The following LAMA2 variants were observed in gnomAD, a reference collection of about 807,000 sequenced individuals.
LAMA2 encodes laminin subunit alpha-2.
LAMA2 carries 269 observed loss-of-function variants against 364.8 expected under a neutral mutation model. The observed-to-expected ratio is 0.74, with a 90% CI of 0.67 to 0.82. The LOEUF (loss-of-function observed/expected upper bound fraction) is 0.82, where lower values mean the gene tolerates loss of function less well. Among genes scored for constraint, LAMA2 ranks in the 40% least tolerant of loss-of-function variants. The pLI is 0.00. For synonymous variants in LAMA2, 1,379 were observed against 1,370.6 expected (o/e 1.01, Z -0.14); for missense variants, 3,807 against 3,873.2 (o/e 0.98, Z 0.45).
At chr6:129,464,200 C>A (rs1409637857) in intron 49 of LAMA2, 90 bp from the exon 50 acceptor site, 3 of 1,128,324 alleles carry the variant, frequency 2.7e-6, no homozygotes, top group Non-Finnish European at 4.0e-6. Flanking sequence ...CCTACAACAG[C>A]CTATAGTCTC....
At chr6:128,914,552 T>A (rs987856584) in intron 1 of LAMA2, among the ~76,000 whole-genome samples, 1 of 152,206 alleles carries the variant, frequency 6.6e-6, no homozygotes, top group Non-Finnish European at 1.5e-5. Context: ...ATGTCTAATT[T>A]TAAAATAGCT....
intron 55 of LAMA2, among the ~76,000 whole-genome samples, chr6:129,482,339 G>T (rs565866264): frequency 6.6e-6 from 1 of 152,148 alleles, no homozygotes; most frequent in Non-Finnish European, 1.5e-5. Flanking sequence ...CTGTCCATTT[G>T]ATTCTGTTAA....
intron 1 of LAMA2, among the ~76,000 whole-genome samples, chr6:128,920,619 T>C (rs919765024): frequency 6.6e-6 from 1 of 151,748 alleles, no homozygotes; most frequent in Non-Finnish European, 1.5e-5. Context: ...CCTTTTAGCA[T>C]GTACCATTGT....
At chr6:129,206,279 A>G (rs1188565363) in intron 12 of LAMA2, among the ~76,000 whole-genome samples, 1 of 152,206 alleles carries the variant, frequency 6.6e-6, no homozygotes. Context: ...TGACTTAGCT[A>G]TTTAGAGTCA....
intron 22 of LAMA2, among the ~76,000 whole-genome samples, chr6:129,307,435 C>T (rs959679272): frequency 5.9e-5 from 9 of 152,280 alleles, no homozygotes; most frequent in African/African-American, 1.9e-4. Flanking sequence ...TCTTTTTGAA[C>T]ACGTATTCTA....
chr6:129,404,855 ATT>A (rs1780164238), intron 40 of LAMA2, among the ~76,000 whole-genome samples: 1 of 152,058 alleles, frequency 6.6e-6, no homozygotes. Flanking sequence ...ACTTTCTAGG[ATT>A]TAGGGGATAT....
intron 1 of LAMA2, among the ~76,000 whole-genome samples, chr6:128,990,390 T>A (rs901033217): frequency 6.6e-6 from 1 of 152,212 alleles, no homozygotes; most frequent in Non-Finnish European, 1.5e-5. Context: ...ATCTCATAAA[T>A]GTGTACCTAA....
At chr6:129,266,144 G>A (rs1787496932) in intron 15 of LAMA2, among the ~76,000 whole-genome samples, 3 of 151,890 alleles carry the variant, frequency 2.0e-5, no homozygotes, top group Non-Finnish European at 4.4e-5. Flanking sequence ...TGTTGTACTC[G>A]ACCATCCAGA....
At chr6:128,940,398 T>G (rs543207784) in intron 1 of LAMA2, among the ~76,000 whole-genome samples, 2 of 152,188 alleles carry the variant, frequency 1.3e-5, no homozygotes, top group Non-Finnish European at 2.9e-5. Context: ...TTCTTTATTA[T>G]AAGCTTTAAG....
chr6:129,219,280 C>A (rs1783632345), intron 12 of LAMA2, among the ~76,000 whole-genome samples: 2 of 152,158 alleles, frequency 1.3e-5, no homozygotes, highest in Non-Finnish European at 2.9e-5. Flanking sequence ...CAATGAGATA[C>A]CATCTCACAC....
Position 129,391,781 on chromosome 6 carries a change from A to G in LAMA2, c.5234+128A>G, listed in dbSNP as rs564723594. 19 of 731,528 alleles carry G rather than the reference A, an allele frequency of 2.6e-5. No homozygotes were observed. In the East Asian group the frequency reaches 2.7e-4, roughly 10 times the overall value. 45.3% of individuals were successfully genotyped at this position (731,528 alleles called of 1,614,324 possible). On this transcript the variant is annotated intron_variant, in intron 36 of 64. Coordinates refer to ENST00000421865, the MANE Select transcript of LAMA2 (RefSeq NM_000426.4). The stretch of plus-strand genomic sequence containing the variant: ...TTTTTCCAACCTGGAGATATTTGCT[A>G]TGTTATCTATCATCTATCTATCTAT...
At chr6:129,336,755 A>G (rs1187285101) in intron 29 of LAMA2, among the ~76,000 whole-genome samples, 2 of 152,224 alleles carry the variant, frequency 1.3e-5, no homozygotes, top group Admixed American at 6.5e-5. Context: ...TGATAGGTTG[A>G]TGGGCATATA....
intron 1 of LAMA2, among the ~76,000 whole-genome samples, chr6:128,939,282 G>C (rs1337348941): frequency 6.6e-6 from 1 of 150,552 alleles, no homozygotes; most frequent in East Asian, 2.0e-4. Flanking sequence ...GATAGACTTT[G>C]TCATAATGTA....
intron 1 of LAMA2, among the ~76,000 whole-genome samples, chr6:128,910,143 T>C (rs1210557062): frequency 6.6e-6 from 1 of 152,156 alleles, no homozygotes; most frequent in African/African-American, 2.4e-5. Flanking sequence ...AGAAGTATCT[T>C]TGTGGCCTTC....
chr6:129,388,195 G>A (rs564440057), intron 35 of LAMA2, among the ~76,000 whole-genome samples: 30 of 150,994 alleles, frequency 2.0e-4, no homozygotes, highest in East Asian at 5.8e-4. Flanking sequence ...AGGTGCGGTC[G>A]CAGTGAGCAG....
Position 128,917,176 on chromosome 6 carries a change from TAAA to T in LAMA2, c.112+33831_112+33833del, listed in dbSNP as rs5879914. On this transcript the variant is annotated intron_variant, in intron 1 of 64. Coordinates refer to ENST00000421865, the MANE Select transcript of LAMA2 (RefSeq NM_000426.4). The stretch of plus-strand genomic sequence containing the variant: ...TAGAACATGAAATTGAAGCCTTTTT[TAAA>T]AAAAAAAAAAACTAATTACAGAATT... 8.1e-4 allele frequency among the ~76,000 whole-genome samples: 119 copies of T among 147,034 alleles called. 1 individual carries two copies. The highest frequency in any genetic ancestry group is 2.8e-3 in the African/African-American group (111 of 40,354).
chr6:129,130,816 C>A (rs1007608852), intron 4 of LAMA2, among the ~76,000 whole-genome samples: 9 of 152,008 alleles, frequency 5.9e-5, no homozygotes, highest in African/African-American at 2.2e-4. Flanking sequence ...TAAACTATCT[C>A]TATAAAGAGA....
Position 128,981,629 on chromosome 6 carries a change from C to T in LAMA2, c.113-68289C>T, listed in dbSNP as rs568126291. ...TGCTGGGCTTGGTGGTTGAGCCTGTCGTCCCAGCTACTCAGGAGGCTGAGG... is the reference window on the plus strand; with the variant it reads ...TGCTGGGCTTGGTGGTTGAGCCTGTTGTCCCAGCTACTCAGGAGGCTGAGG... On this transcript the variant is annotated intron_variant, in intron 1 of 64. Transcript: ENST00000421865. Among the ~76,000 whole-genome samples, 9 of 150,500 alleles carry T rather than the reference C, an allele frequency of 6.0e-5. No individual in the cohort carries two copies. The South Asian group carries it at 1.7e-3, about 28-fold the overall frequency.
intron 1 of LAMA2, among the ~76,000 whole-genome samples, chr6:129,049,454 T>A (rs969301497): frequency 2.0e-5 from 3 of 152,132 alleles, no homozygotes; most frequent in African/African-American, 7.2e-5. Flanking sequence ...TTTTAATAAT[T>A]ATTTACACTG....
Sources: allele counts gnomAD v4.1 joint callset (sites outside exome capture counted in the v4.1 genomes callset), GRCh38; gene constraint gnomAD v4.1.1; transcripts MANE v1.5; gene names NCBI Gene and HGNC (gene_info 2026-07-23, HGNC 2026-07-21).